The following PLAA variants were observed in gnomAD, a reference collection of about 807,000 sequenced individuals.
PLAA encodes the protein phospholipase A2 activating protein, also known as phospholipase A-2-activating protein.
A neutral mutation model predicts 84.1 loss-of-function variants in PLAA; 48 were observed. That is an observed-to-expected ratio of 0.57 (90% confidence interval 0.45 to 0.73). The LOEUF (loss-of-function observed/expected upper bound fraction) is 0.73, where lower values mean the gene tolerates loss of function less well. PLAA is among the 30% of genes least tolerant of loss of function. The probability of loss-of-function intolerance (pLI) is 0.00; values close to 1 mark genes in which losing one functional copy is unlikely to be tolerated. For missense variants in PLAA, 903 were observed against 954.7 expected (o/e 0.95, Z 0.71); for synonymous variants, 392 against 336.6 (o/e 1.16, Z -1.80).
chr9:26,910,647 G>C (rs1824371244), intron 11 of PLAA, among the ~76,000 whole-genome samples: 1 of 152,034 alleles, frequency 6.6e-6, no homozygotes, highest in South Asian at 2.1e-4. Flanking sequence ...GGGAATGGAA[G>C]CTTAAATGTA....
intron 7 of PLAA, among the ~76,000 whole-genome samples, chr9:26,921,500 A>G (rs576824605): frequency 6.6e-6 from 1 of 152,310 alleles, no homozygotes; most frequent in Admixed American, 6.5e-5. Context: ...ATCTGTTTCA[A>G]TTTGTTATTT....
rs1000388395 is a variant in PLAA, at chr9:26,911,701, T to C, written c.1556-1262A>G. ...ATGATGAAAATTCAGCAATATTCAA[T>C]AAATAAAGTGACCTTCAACTAAAGT... On this transcript the variant is annotated intron_variant, in intron 11 of 13. Coordinates refer to ENST00000397292, the MANE Select transcript of PLAA (RefSeq NM_001031689.3). Among the ~76,000 whole-genome samples the C allele has an allele frequency of 4.4e-4, 67 of 152,202 alleles. 2 individuals are homozygous for C. The highest frequency in any genetic ancestry group is 1.6e-3 in the African/African-American group (65 of 41,448).
rs1421265377 is a variant in PLAA, at chr9:26,904,691, TAC to T, written c.*818_*819del. 1.3e-5 allele frequency: 2 copies of T among 152,198 alleles called. No homozygotes were observed. Among genetic ancestry groups the T allele is most frequent in the Non-Finnish European group, 2.9e-5 (2 of 68,020 alleles). 9.4% of individuals were successfully genotyped at this position (152,198 alleles called of 1,614,324 possible). A position where few individuals can be genotyped will look rare whatever the true frequency, so the allele number is the denominator to read the frequency against. On this transcript the variant is annotated 3_prime_UTR_variant, in exon 14 of 14. Coordinates refer to ENST00000397292, the MANE Select transcript of PLAA (RefSeq NM_001031689.3). ...TGACAGGTTCTAGACTTTCAAATAA[TAC>T]AGTTTGATGTACTCTTGCTTATGTA...
At chr9:26,917,223 C>G (rs58243441) in intron 9 of PLAA, 58 bp from the exon 10 acceptor site, 103 of 1,329,108 alleles carry the variant, frequency 7.7e-5, no homozygotes, top group Middle Eastern at 7.3e-4. Context: ...ATTTTTCAAA[C>G]AGCACAATGC....
rs927439136 is a variant in PLAA at position 26,935,064 on chromosome 9, A to T, written c.292T>A (p.Ser98Thr). 1 of 1,609,634 alleles carries T rather than the reference A, an allele frequency of 6.2e-7. No homozygotes were observed. The highest frequency in any genetic ancestry group is 8.5e-7 in the Non-Finnish European group (1 of 1,178,506). The change falls in exon 2 of 14, where the codon TCA (serine) becomes ACA (threonine). Residue 98 changes from serine (S) to threonine (T), a missense_variant. Coordinates refer to ENST00000397292, the MANE Select transcript of PLAA (RefSeq NM_001031689.3). The stretch of plus-strand genomic sequence containing the variant: ...TAAAGTGGCATTGGACTGTCCAGTG[A>T]GAAAATGCATATATTGTGGTCATTT... Reference protein sequence around the residue: ...GGNDHNICIFSLDSPMPLYIL... With the variant: ...GGNDHNICIFTLDSPMPLYIL...
chr9:26,920,552 A>C (rs1445196574), intron 7 of PLAA, among the ~76,000 whole-genome samples, 168 bp from the exon 8 acceptor site: 1 of 152,242 alleles, frequency 6.6e-6, no homozygotes, highest in African/African-American at 2.4e-5. Context: ...AAAAGAAAAT[A>C]ACAGTTAAAA....
At chr9:26,911,889 C>T (rs1042148608) in intron 11 of PLAA, among the ~76,000 whole-genome samples, 3 of 152,126 alleles carry the variant, frequency 2.0e-5, no homozygotes, top group Non-Finnish European at 2.9e-5. Flanking sequence ...TAGATAAAGA[C>T]GAAACACTTA....
At chr9:26,928,609 A>T (rs1370974642) in intron 2 of PLAA, among the ~76,000 whole-genome samples, 1 of 152,260 alleles carries the variant, frequency 6.6e-6, no homozygotes, top group Non-Finnish European at 1.5e-5. Flanking sequence ...CGCAAGGCCT[A>T]GCTGTGCCAC....
chr9:26,926,656 G>A, intron 4 of PLAA, 96 bp from the exon 5 acceptor site: 1 of 794,414 alleles, frequency 1.3e-6, no homozygotes, highest in Non-Finnish European at 1.9e-6. Context: ...TCAGTGAGTA[G>A]TAAAAATTAA....
chr9:26,913,540 C>T (rs1824457896), intron 11 of PLAA, among the ~76,000 whole-genome samples: 1 of 152,090 alleles, frequency 6.6e-6, no homozygotes. Context: ...AGATTTACGA[C>T]AGTAAAACAG....
At chr9:26,911,878 GTAGA>G (rs149727689) in intron 11 of PLAA, among the ~76,000 whole-genome samples, 5,008 of 152,206 alleles carry the variant, frequency 0.033, 128 homozygotes, top group Non-Finnish European at 0.052. Flanking sequence ...AGGGATGAAG[GTAGA>G]TAAAGACGAA....
chr9:26,930,816 C>T (rs1401216491), intron 2 of PLAA, among the ~76,000 whole-genome samples: 7 of 151,954 alleles, frequency 4.6e-5, no homozygotes, highest in Non-Finnish European at 1.0e-4. Context: ...CTCCTGACTT[C>T]AAGTGATCCA....
chr9:26,914,295 G>C (rs1824486147), intron 10 of PLAA, among the ~76,000 whole-genome samples: 1 of 152,068 alleles, frequency 6.6e-6, no homozygotes. Context: ...AAGACAATTG[G>C]AAAAGACTCA....
chr9:26,930,290 G>A (rs993918651), intron 2 of PLAA, among the ~76,000 whole-genome samples: 22 of 151,984 alleles, frequency 1.4e-4, no homozygotes, highest in Admixed American at 1.2e-3. Flanking sequence ...TATTTTAGTA[G>A]AGATGGGGTT....
chr9:26,917,746 T>TGGC (rs1290171274), intron 9 of PLAA, among the ~76,000 whole-genome samples: 1 of 152,066 alleles, frequency 6.6e-6, no homozygotes, highest in African/African-American at 2.4e-5. Flanking sequence ...TACGAATGTG[T>TGGC]GGCGTATGTG....
chr9:26,922,624 G>A (rs1401005004), intron 7 of PLAA, among the ~76,000 whole-genome samples: 1 of 151,382 alleles, frequency 6.6e-6, no homozygotes, highest in Non-Finnish European at 1.5e-5. Flanking sequence ...TTTCAAACTC[G>A]AATGATTCCC....
At position 26,923,251 on chromosome 9, in the gene PLAA, A is replaced by C. The variant is rs766893104; in HGVS notation, c.966T>G (p.Ile322Met). Residue 322 changes from isoleucine to methionine, a missense_variant, in exon 7 of 14, where the codon ATT (isoleucine) becomes ATG (methionine). By Grantham distance (10) the Ile-to-Met change is conservative (BLOSUM62 1). Coordinates refer to ENST00000397292, the MANE Select transcript of PLAA (RefSeq NM_001031689.3). ...CCCCTAAATCGCCAGTTTTAGAATC[A>C]ATGGTTGCGTGAGACAGTTCTTTTT... ...AFEKELSHATIDSKTGDLGDI... is the reference protein window; with the variant it reads ...AFEKELSHATMDSKTGDLGDI... 6.2e-7 allele frequency: 1 copy of C among 1,613,868 alleles called. No homozygotes were observed. The highest frequency in any genetic ancestry group is 1.3e-5 in the African/African-American group (1 of 75,070).
At chr9:26,943,498 G>C (rs1825601699) in intron 1 of PLAA, among the ~76,000 whole-genome samples, 3 of 152,090 alleles carry the variant, frequency 2.0e-5, no homozygotes, top group South Asian at 4.1e-4. Flanking sequence ...TCAGTAAGAG[G>C]CAATTCAGTA....
At chr9:26,916,627 C>G (rs1824570465) in intron 10 of PLAA, 11 of 989,480 alleles carry the variant, frequency 1.1e-5, no homozygotes, top group Non-Finnish European at 1.3e-5. Flanking sequence ...TCACATGGCT[C>G]CTTCTCTGCT....
Sources: gnomAD v4.1 joint callset for allele counts (sites outside exome capture counted in the v4.1 genomes callset) on GRCh38, gnomAD v4.1.1 for gene constraint, MANE v1.5 for transcripts, NCBI Gene and HGNC (gene_info 2026-07-23, HGNC 2026-07-21) for gene names.